ZC3H12B: variants seen among roughly 807,000 people sequenced by gnomAD.
ZC3H12B encodes the protein probable ribonuclease ZC3H12B.
Under a neutral mutation model 43.9 loss-of-function variants are expected in ZC3H12B, and 7 were observed. The ratio of observed to expected loss-of-function variants is 0.16; its 90% CI spans 0.09 to 0.30. The LOEUF (loss-of-function observed/expected upper bound fraction) is 0.30. Ranked by LOEUF, ZC3H12B falls within the 10% of genes least tolerant of loss-of-function variation. The pLI, the probability that ZC3H12B is intolerant of heterozygous loss-of-function variation, is 1.00. For synonymous variants in ZC3H12B, 222 were observed against 241.7 expected (o/e 0.92, Z 0.76); for missense variants, 475 against 670.2 (o/e 0.71, Z 3.22).
intron 3 of ZC3H12B, among the ~76,000 whole-genome samples, chrX:65,398,949 G>T (rs763038626): frequency 5.4e-5 from 6 of 111,807 alleles, no homozygotes; most frequent in Non-Finnish European, 9.4e-5. Context: ...TCAGTAAGTG[G>T]TGTTAAGAAA....
At chrX:65,279,358 A>G in the ZC3H12B span, among the ~76,000 whole-genome samples, 1 of 99,214 alleles carries the variant, frequency 1.0e-5, no homozygotes, top group African/African-American at 3.9e-5. Flanking sequence ...AGATGGTATT[A>G]ATTTTGGTTT....
the ZC3H12B span, among the ~76,000 whole-genome samples, chrX:65,336,175 A>G: frequency 8.9e-6 from 1 of 112,714 alleles, no homozygotes; most frequent in African/African-American, 3.2e-5. Context: ...AAAACTGTAC[A>G]GAGGAGATAA....
At chrX:65,229,306 G>A in the ZC3H12B span, among the ~76,000 whole-genome samples, 2 of 111,910 alleles carry the variant, frequency 1.8e-5, no homozygotes, top group African/African-American at 6.5e-5. Flanking sequence ...TTTACTAAAT[G>A]GTGCTGGGAA....
the ZC3H12B span, among the ~76,000 whole-genome samples, chrX:65,151,699 A>G: frequency 9.0e-6 from 1 of 111,728 alleles, no homozygotes; most frequent in African/African-American, 3.3e-5. Context: ...TCCAATCAAT[A>G]CAAAAAGAAG....
chrX:65,323,282 C>T, the ZC3H12B span, among the ~76,000 whole-genome samples: 2 of 111,769 alleles, frequency 1.8e-5, no homozygotes, highest in Admixed American at 9.5e-5. Context: ...GTTGCCTTAT[C>T]ATATACAGTT....
chrX:65,107,473 A>G, the ZC3H12B span, among the ~76,000 whole-genome samples: 2 of 111,214 alleles, frequency 1.8e-5, no homozygotes, highest in Non-Finnish European at 3.8e-5. Flanking sequence ...ATGGATTGTT[A>G]GGCAATTTTG....
chrX:65,099,764 T>C, the ZC3H12B span, among the ~76,000 whole-genome samples: 1 of 111,131 alleles, frequency 9.0e-6, no homozygotes, highest in Non-Finnish European at 1.9e-5. Context: ...GATAAATCCA[T>C]GAAGATGAGG....
chrX:65,394,545 G>T (rs758944298), intron 2 of ZC3H12B, among the ~76,000 whole-genome samples: 2 of 111,447 alleles, frequency 1.8e-5, no homozygotes, highest in Non-Finnish European at 3.8e-5. Flanking sequence ...GCCTGTGTCC[G>T]GTTCCATTGG....
At chrX:65,496,025 G>T (rs1170535161) in intron 1 of ZC3H12B, among the ~76,000 whole-genome samples, 2 of 111,679 alleles carry the variant, frequency 1.8e-5, no homozygotes, top group Non-Finnish European at 3.8e-5. Flanking sequence ...TTGATTTTTT[G>T]AGGATATTTT....
At chrX:65,313,052 T>A in the ZC3H12B span, among the ~76,000 whole-genome samples, 3 of 110,735 alleles carry the variant, frequency 2.7e-5, no homozygotes. Flanking sequence ...TGGCTCATTT[T>A]TGTATTTTTG....
chrX:65,055,325 C>T, the ZC3H12B span, among the ~76,000 whole-genome samples: 1 of 111,782 alleles, frequency 8.9e-6, no homozygotes, highest in East Asian at 2.8e-4. Context: ...AAGGCCTTTT[C>T]TGCATCTATC....
chrX:65,391,459 T>C (rs1184924422), intron 2 of ZC3H12B, among the ~76,000 whole-genome samples: 2 of 111,746 alleles, frequency 1.8e-5, no homozygotes, highest in Non-Finnish European at 3.8e-5. Context: ...TTTTGATTCA[T>C]AACAATGGTG....
At chrX:65,169,694 C>T in the ZC3H12B span, among the ~76,000 whole-genome samples, 1 of 111,984 alleles carries the variant, frequency 8.9e-6, no homozygotes, top group African/African-American at 3.2e-5. Flanking sequence ...TCTATATGGA[C>T]TTACTTTATG....
chrX:65,238,069 T>C, the ZC3H12B span, among the ~76,000 whole-genome samples: 1 of 111,754 alleles, frequency 8.9e-6, no homozygotes, highest in Non-Finnish European at 1.9e-5. Context: ...GTTAGCCTCA[T>C]AAAATGAGGA....
intron 2 of ZC3H12B, among the ~76,000 whole-genome samples, chrX:65,392,933 G>A (rs969667444): frequency 3.6e-5 from 4 of 112,496 alleles, no homozygotes; most frequent in African/African-American, 9.7e-5. Flanking sequence ...TGCTGTTAAT[G>A]TATAACCTTA....
chrX:65,081,992 A>G, the ZC3H12B span, among the ~76,000 whole-genome samples: 13 of 112,230 alleles, frequency 1.2e-4, no homozygotes, highest in East Asian at 2.8e-3. Context: ...CACAAATAAC[A>G]TGGAAATTAA....
the ZC3H12B span, among the ~76,000 whole-genome samples, chrX:65,038,364 C>T: frequency 9.0e-6 from 1 of 111,206 alleles, no homozygotes; most frequent in Non-Finnish European, 1.9e-5. Flanking sequence ...TTTTGAACAT[C>T]CTCTGCTTAG....
At chrX:65,117,109 G>T in the ZC3H12B span, among the ~76,000 whole-genome samples, 1 of 111,897 alleles carries the variant, frequency 8.9e-6, no homozygotes, top group African/African-American at 3.3e-5. Flanking sequence ...GGTATGTCTA[G>T]TTCTAGATCC....
intron 2 of ZC3H12B, among the ~76,000 whole-genome samples, chrX:65,374,008 T>TAA (rs1174587316): frequency 3.8e-5 from 1 of 26,136 alleles, no homozygotes; most frequent in Non-Finnish European, 5.6e-5. Context: ...TATATATATA[T>TAA]AACTATATAT....
Sources: gnomAD v4.1 joint callset for allele counts (sites outside exome capture counted in the v4.1 genomes callset) on GRCh38, gnomAD v4.1.1 for gene constraint, MANE v1.5 for transcripts, NCBI Gene and HGNC (gene_info 2026-07-23, HGNC 2026-07-21) for gene names.